The following STPG1 variants were observed in gnomAD, a reference collection of about 807,000 sequenced individuals.
STPG1 encodes O(6)-methylguanine-induced apoptosis 2.
STPG1 carries 33 observed loss-of-function variants against 40.1 expected under a neutral mutation model. The observed-to-expected ratio is 0.82, with a 90% CI of 0.62 to 1.10. The LOEUF (loss-of-function observed/expected upper bound fraction) is 1.10. Among genes scored for constraint, STPG1 ranks in the 50% least tolerant of loss-of-function variants. The pLI, the probability that STPG1 is intolerant of heterozygous loss-of-function variation, is 0.00. For synonymous variants in STPG1, 150 were observed against 155.0 expected (o/e 0.97, Z 0.24); for missense variants, 396 against 415.1 (o/e 0.95, Z 0.40).
intron 2 of STPG1, among the ~76,000 whole-genome samples, chr1:24,400,477 C>A (rs1643179891): frequency 6.6e-6 from 1 of 152,086 alleles, no homozygotes; most frequent in East Asian, 1.9e-4. Flanking sequence ...TTAAGCTATA[C>A]AATTAGGATT....
intron 4 of STPG1, among the ~76,000 whole-genome samples, chr1:24,382,214 C>A (rs1642317387): frequency 6.6e-6 from 1 of 152,140 alleles, no homozygotes. Context: ...TTGTAGACAA[C>A]CAATCGTGTC....
intron 3 of STPG1, among the ~76,000 whole-genome samples, chr1:24,385,124 C>T (rs1642451005): frequency 6.6e-6 from 1 of 152,206 alleles, no homozygotes; most frequent in African/African-American, 2.4e-5. Flanking sequence ...ATCCCTACTG[C>T]CTTCCTTAGG....
At chr1:24,365,374 T>C (rs918792151) in intron 7 of STPG1, among the ~76,000 whole-genome samples, 1 of 152,192 alleles carries the variant, frequency 6.6e-6, no homozygotes, top group South Asian at 2.1e-4. Context: ...AGGAACTATT[T>C]TGATCTCCAA....
intron 1 of STPG1, among the ~76,000 whole-genome samples, chr1:24,413,173 G>A (rs1322053304): frequency 6.6e-6 from 1 of 152,224 alleles, no homozygotes; most frequent in Non-Finnish European, 1.5e-5. Context: ...TCAGGGAGCT[G>A]GAAGGAAATT....
At chr1:24,393,698 T>A (rs1397275357) in intron 2 of STPG1, among the ~76,000 whole-genome samples, 1 of 152,142 alleles carries the variant, frequency 6.6e-6, no homozygotes. Context: ...ACTGAACTCC[T>A]ATTTCTTACC....
intron 7 of STPG1, among the ~76,000 whole-genome samples, chr1:24,363,203 T>C (rs546980486): frequency 1.3e-5 from 2 of 152,346 alleles, no homozygotes; most frequent in East Asian, 1.9e-4. Context: ...TGGAGCACGC[T>C]GAGTTAATGA....
At chr1:24,378,698 A>G (rs996407583) in intron 5 of STPG1, among the ~76,000 whole-genome samples, 3 of 152,250 alleles carry the variant, frequency 2.0e-5, no homozygotes, top group Non-Finnish European at 2.9e-5. Context: ...TTAATTATCA[A>G]TATTATGAAG....
intron 2 of STPG1, among the ~76,000 whole-genome samples, chr1:24,392,820 T>G (rs953238263): frequency 2.7e-5 from 4 of 149,968 alleles, no homozygotes; most frequent in Non-Finnish European, 4.4e-5. Context: ...AACATCAGAA[T>G]CCTAACCTTC....
chr1:24,401,310 C>T lies in STPG1; in HGVS notation c.70+9G>A, dbSNP rs1224368698. ...AGGAGCTATCTCCTCCCTGCAAAGA[C>T]ACATGTACCTTTCTGTACTTCACTG... On this transcript the variant is annotated intron_variant, in intron 2 of 8. Transcript: ENST00000337248. The T allele has an allele frequency of 5.0e-6, 8 of 1,613,712 alleles. No individual in the cohort carries two copies. The East Asian group carries it at 1.6e-4, about 31-fold the overall frequency.
rs1365910722 is a variant in STPG1 at position 24,358,281 on chromosome 1, G to T, written c.*262C>A. 1 of 654,790 alleles carries T rather than the reference G, an allele frequency of 1.5e-6. No individual in the cohort carries two copies. Among genetic ancestry groups the T allele is most frequent in the Admixed American group, 2.1e-5 (1 of 48,452 alleles). 40.6% of individuals were successfully genotyped at this position (654,790 alleles called of 1,614,324 possible). ...GATGGGTGCGTGGGGAAGCAGCCAG[G>T]GGGCTCTGTCCACTCCTCCCTTCTG... On this transcript the variant is annotated 3_prime_UTR_variant, in exon 9 of 9. Coordinates refer to ENST00000337248, the MANE Select transcript of STPG1 (RefSeq NM_001199013.2).
chr1:24,399,640 A>G lies in STPG1; in HGVS notation c.70+1679T>C, dbSNP rs1487102066. ...GGGATGACATTTACCTACAGCTAACAAATGACTTGTTTCTAGAATAAAGAA... is the reference window on the plus strand; with the variant it reads ...GGGATGACATTTACCTACAGCTAACGAATGACTTGTTTCTAGAATAAAGAA... On this transcript the variant is annotated intron_variant, in intron 2 of 8. Coordinates refer to ENST00000337248, the MANE Select transcript of STPG1 (RefSeq NM_001199013.2). This position sits in a 1 kb window ranked among gnomAD's most constrained non-coding sequence, Gnocchi z 4.0. 6.6e-6 allele frequency among the ~76,000 whole-genome samples: 1 copy of G among 152,190 alleles called. No homozygotes were observed.
chr1:24,407,510 C>T (rs61772841), intron 1 of STPG1, among the ~76,000 whole-genome samples: 16,636 of 150,010 alleles, frequency 0.11, 965 homozygotes, highest in African/African-American at 0.13. Context: ...GGCGCAATCT[C>T]GGCTCACTGC....
At chr1:24,405,464 G>A (rs1643378107) in intron 1 of STPG1, among the ~76,000 whole-genome samples, 1 of 152,052 alleles carries the variant, frequency 6.6e-6, no homozygotes. Flanking sequence ...GGATTCTCTA[G>A]TTATCTTTTT....
chr1:24,396,297 A>ATCTATCTATCTATCTATCTATCTATCTG (rs1553126266), intron 2 of STPG1, among the ~76,000 whole-genome samples: 3 of 132,528 alleles, frequency 2.3e-5, no homozygotes, highest in Admixed American at 7.3e-5. Context: ...CTATCTATCT[A>ATCTATCTATCTATCTATCTATCTATCTG]TCATCTATCT....
In STPG1 at chr1:24,365,565, C is replaced by T. The variant is rs547667942; in HGVS notation, c.737+4109G>A. On this transcript the variant is annotated intron_variant, in intron 7 of 8. Transcript: ENST00000337248. Reference sequence around the variant, plus strand: ...GGCCAAGGAACACCCGATGGCATGACCTTTAGCTAAGGAGCTCAGAAATGC... The same window carrying T: ...GGCCAAGGAACACCCGATGGCATGATCTTTAGCTAAGGAGCTCAGAAATGC... 7.6e-4 allele frequency among the ~76,000 whole-genome samples: 116 copies of T among 152,342 alleles called. 1 individual carries two copies. Among genetic ancestry groups the T allele is most frequent in the African/African-American group, 2.6e-3 (106 of 41,568 alleles).
intron 1 of STPG1, among the ~76,000 whole-genome samples, chr1:24,405,461 C>G: frequency 6.6e-6 from 1 of 151,992 alleles, no homozygotes; most frequent in Non-Finnish European, 1.5e-5. Flanking sequence ...GGGGGATTCT[C>G]TAGTTATCTT....
chr1:24,400,391 C>T (rs908046616), intron 2 of STPG1, among the ~76,000 whole-genome samples: 2 of 152,158 alleles, frequency 1.3e-5, no homozygotes, highest in African/African-American at 4.8e-5. Context: ...GGGACAAGGG[C>T]TTTTGAGATG....
At chr1:24,369,207 A>C (rs921751616) in intron 7 of STPG1, 2 of 383,758 alleles carry the variant, frequency 5.2e-6, no homozygotes, top group African/African-American at 4.2e-5. Context: ...TAAAGCTATG[A>C]GAGCTTGACT....
chr1:24,364,822 A>T (rs1418357217), intron 7 of STPG1, among the ~76,000 whole-genome samples: 2 of 152,324 alleles, frequency 1.3e-5, no homozygotes, highest in African/African-American at 4.8e-5. Context: ...TGGAAAGAAA[A>T]CATCTATCAA....
Sources: gnomAD v4.1 joint callset for allele counts (sites outside exome capture counted in the v4.1 genomes callset) on GRCh38, gnomAD v4.1.1 for gene constraint, Gnocchi (gnomAD v3.1) non-coding constraint, MANE v1.5 for transcripts, NCBI Gene and HGNC (gene_info 2026-07-23, HGNC 2026-07-21) for gene names.